Variants in SNRK observed in about 807,000 individuals in gnomAD.
SNRK encodes the protein SNF-related serine/threonine-protein kinase.
SNRK carries 3 observed loss-of-function variants against 48.2 expected under a neutral mutation model. The ratio of observed to expected loss-of-function variants is 0.06; its 90% CI spans 0.03 to 0.16. The LOEUF (loss-of-function observed/expected upper bound fraction) is 0.16, where lower values mean the gene tolerates loss of function less well. Among genes scored for constraint, SNRK ranks in the 10% least tolerant of loss-of-function variants. The pLI is 1.00. For synonymous variants in SNRK, 376 were observed against 366.1 expected (o/e 1.03, Z -0.31); for missense variants, 627 against 976.0 (o/e 0.64, Z 4.76).
chr3:43,289,881 T>G (rs2090797129), intron 1 of SNRK: 1 of 152,686 alleles, frequency 6.5e-6, no homozygotes, highest in African/African-American at 2.4e-5. Context: ...CAAAAGTTAC[T>G]TCAGACTCAG....
At chr3:43,328,798 A>G (rs1271777341) in intron 3 of SNRK, among the ~76,000 whole-genome samples, 1 of 152,054 alleles carries the variant, frequency 6.6e-6, no homozygotes, top group Non-Finnish European at 1.5e-5. Context: ...TGTTTCCCAC[A>G]TCTGTTTCAC....
At chr3:43,300,186 C>A (rs1337048093) in intron 2 of SNRK, among the ~76,000 whole-genome samples, 1 of 151,830 alleles carries the variant, frequency 6.6e-6, no homozygotes, top group Non-Finnish European at 1.5e-5. Flanking sequence ...TGTGAAGATA[C>A]CAATTAGATT....
rs1341689582 is a variant in SNRK, at chr3:43,350,085, G to GAAC, written c.*1529_*1531dup. The GAAC allele has an allele frequency of 6.6e-6, 1 of 152,448 alleles. No individual in the cohort carries two copies. Among genetic ancestry groups the GAAC allele is most frequent in the Admixed American group, 6.5e-5 (1 of 15,276 alleles). The allele number at this position is 152,448 out of a possible 1,614,324, so 9.4% of individuals were successfully genotyped here. A position where few individuals can be genotyped will look rare whatever the true frequency, so the allele number is the denominator to read the frequency against. On this transcript the variant is annotated 3_prime_UTR_variant, in exon 7 of 7. Transcript: ENST00000296088. ...CTTTAGGATAAATATATTTTACTCA[G>GAAC]AACTCTGAATTTCACAGTATACTTA...
At chr3:43,343,005 C>G (rs1043310495) in intron 5 of SNRK, among the ~76,000 whole-genome samples, 4 of 152,090 alleles carry the variant, frequency 2.6e-5, no homozygotes, top group African/African-American at 9.7e-5. Context: ...TGAACAAATA[C>G]AAACACTGTA....
In SNRK at chr3:43,347,732, G is replaced by A; in HGVS notation, c.1473G>A (p.Glu491=). 6.2e-7 allele frequency: 1 copy of A among 1,614,090 alleles called. No individual in the cohort carries two copies. Among genetic ancestry groups the A allele is most frequent in the South Asian group, 1.1e-5 (1 of 91,078 alleles). The part of the protein sequence containing the change: ...KSAPVLNQIF[E]EGESDDEFDM... ...CGCCCGTCCTCAACCAGATCTTTGA[G>A]GAAGGGGAATCTGACGATGAGTTTG... is the stretch of plus-strand genomic sequence containing the variant. Residue 491 remains glutamate (E), a synonymous_variant, in exon 7 of 7, where the codon GAG becomes GAA. Transcript: ENST00000296088. This position sits in a 1 kb window ranked among gnomAD's most constrained non-coding sequence, Gnocchi z 5.4.
At chr3:43,323,605 C>G (rs537034462) in intron 3 of SNRK, among the ~76,000 whole-genome samples, 2 of 152,228 alleles carry the variant, frequency 1.3e-5, no homozygotes, top group South Asian at 4.1e-4. Context: ...CAAACTCACT[C>G]CTAGGTATTT....
chr3:43,314,284 T>A (rs2090999303), intron 3 of SNRK, among the ~76,000 whole-genome samples: 1 of 152,242 alleles, frequency 6.6e-6, no homozygotes, highest in African/African-American at 2.4e-5. Context: ...TTTATTTATT[T>A]GGCTTAACTT....
rs191190221 is a variant in SNRK at position 43,300,873 on chromosome 3, G to A, written c.-107+1058G>A. ...CTTAATAGCAGGATTAATAGTTTTG[G>A]TTCTGAAATCAGTTTGCAGACACAG... On this transcript the variant is annotated intron_variant, in intron 2 of 6. Coordinates refer to ENST00000296088, the MANE Select transcript of SNRK (RefSeq NM_017719.5). 2.6e-5 allele frequency among the ~76,000 whole-genome samples: 4 copies of A among 152,306 alleles called. No homozygotes were observed. The East Asian group carries it at 5.8e-4, about 22-fold the overall frequency.
chr3:43,331,029 T>G (rs1413471053), intron 3 of SNRK, among the ~76,000 whole-genome samples: 1 of 152,216 alleles, frequency 6.6e-6, no homozygotes, highest in Non-Finnish European at 1.5e-5. Context: ...TTTAATTATC[T>G]TGGGAAATAA....
rs567039385 is a variant in SNRK at position 43,311,036 on chromosome 3, A to G, written c.589+7244A>G. 1.4e-3 allele frequency among the ~76,000 whole-genome samples: 211 copies of G among 152,190 alleles called. 2 individuals are homozygous for G. Among genetic ancestry groups the G allele is most frequent in the African/African-American group, 4.9e-3 (204 of 41,502 alleles). ...GAGTACTCTAGTGATATGGGAGAGG[A>G]GCAGGGTCATACAGCTAACTGGGAA... On this transcript the variant is annotated intron_variant, in intron 3 of 6. Transcript: ENST00000296088.
At chr3:43,326,669 A>G (rs2091098984) in intron 3 of SNRK, among the ~76,000 whole-genome samples, 1 of 152,174 alleles carries the variant, frequency 6.6e-6, no homozygotes, top group South Asian at 2.1e-4. Context: ...TTGATCTGGA[A>G]GTCAGAGGAC....
intron 3 of SNRK, among the ~76,000 whole-genome samples, chr3:43,313,458 T>A (rs962693460): frequency 6.6e-6 from 1 of 152,198 alleles, no homozygotes; most frequent in Non-Finnish European, 1.5e-5. Context: ...GGTTACATGC[T>A]ATATAATTCC....
At chr3:43,344,005 T>G (rs181613843) in intron 6 of SNRK, among the ~76,000 whole-genome samples, 51 of 152,270 alleles carry the variant, frequency 3.3e-4, no homozygotes, top group African/African-American at 1.2e-3. Context: ...TCTCTATGAC[T>G]TAGCTACCCG....
chr3:43,319,394 C>T (rs993117078), intron 3 of SNRK, among the ~76,000 whole-genome samples: 5 of 152,128 alleles, frequency 3.3e-5, no homozygotes, highest in Admixed American at 2.0e-4. Flanking sequence ...TAGAGTGAGA[C>T]GCTCTTCGTA....
chr3:43,346,646 TGGGA>T (rs1027426657), intron 6 of SNRK, among the ~76,000 whole-genome samples: 11 of 152,170 alleles, frequency 7.2e-5, no homozygotes, highest in Non-Finnish European at 1.5e-5. Context: ...GAGGCTGAAG[TGGGA>T]GGGTTGCTTG....
intron 3 of SNRK, among the ~76,000 whole-genome samples, chr3:43,331,785 A>G (rs750517773): frequency 6.6e-6 from 1 of 152,150 alleles, no homozygotes; most frequent in Non-Finnish European, 1.5e-5. Context: ...CTTAGGCAAA[A>G]TTCTTTTCCG....
chr3:43,297,858 C>T (rs2090868400), intron 1 of SNRK, among the ~76,000 whole-genome samples: 1 of 152,088 alleles, frequency 6.6e-6, no homozygotes, highest in African/African-American at 2.4e-5. Flanking sequence ...ATTTCCTATA[C>T]CTTACAGCAC....
At chr3:43,330,923 C>T (rs183493483) in intron 3 of SNRK, among the ~76,000 whole-genome samples, 36 of 152,132 alleles carry the variant, frequency 2.4e-4, no homozygotes, top group East Asian at 1.9e-3. Context: ...ATTTATTGTA[C>T]GTATTAAAAA....
Position 43,347,888 on chromosome 3 carries a change from C to G in SNRK, c.1629C>G (p.Thr543=), listed in dbSNP as rs1459423841. The part of the protein sequence containing the change: ...GRGSSCSSSE[T]SDDDSESRRR... Reference sequence around the variant, plus strand: ...GCTCCAGCTGCAGTAGTTCGGAGACCAGTGATGATGATTCTGAAAGCCGGC... The same window carrying G: ...GCTCCAGCTGCAGTAGTTCGGAGACGAGTGATGATGATTCTGAAAGCCGGC... Residue 543 remains threonine, a synonymous_variant, in exon 7 of 7, where the codon ACC becomes ACG. Coordinates refer to ENST00000296088, the MANE Select transcript of SNRK (RefSeq NM_017719.5). The surrounding 1 kb of genome is among the most constrained non-coding windows in gnomAD (Gnocchi z 5.4). 2.5e-6 allele frequency: 4 copies of G among 1,614,118 alleles called. No individual in the cohort carries two copies. The highest frequency in any genetic ancestry group is 2.5e-6 in the Non-Finnish European group (3 of 1,180,036).
Sources: gnomAD v4.1 joint callset for allele counts (sites outside exome capture counted in the v4.1 genomes callset) on GRCh38, gnomAD v4.1.1 for gene constraint, Gnocchi (gnomAD v3.1) non-coding constraint, MANE v1.5 for transcripts, NCBI Gene and HGNC (gene_info 2026-07-23, HGNC 2026-07-21) for gene names.